KHDRBS1: variants seen among roughly 807,000 people sequenced by gnomAD.
The protein encoded by KHDRBS1 is KH domain-containing, RNA-binding, signal transduction-associated protein 1.
A neutral mutation model predicts 48.4 loss-of-function variants in KHDRBS1; 7 were observed. That is an observed-to-expected ratio of 0.14 (90% confidence interval 0.08 to 0.27). KHDRBS1 has a LOEUF of 0.27. KHDRBS1 is among the 10% of genes least tolerant of loss of function. The pLI, the probability that KHDRBS1 is intolerant of heterozygous loss-of-function variation, is 1.00. For missense variants in KHDRBS1, 458 were observed against 601.2 expected, an observed-to-expected ratio of 0.76 and a Z score of 2.49; for synonymous variants, 241 against 235.8, an observed-to-expected ratio of 1.02 and a Z score of -0.20.
chr1:32,037,761 T>C (rs1330265882), intron 5 of KHDRBS1, 74 bp from the exon 6 acceptor site: 2 of 1,537,676 alleles, frequency 1.3e-6, no homozygotes, highest in East Asian at 2.3e-5. Context: ...AATTCCAGAA[T>C]TTGTAAACAA....
chr1:32,031,276 G>A (rs72876684), intron 2 of KHDRBS1, among the ~76,000 whole-genome samples: 3,891 of 152,070 alleles, frequency 0.026, 159 homozygotes, highest in African/African-American at 0.088. Context: ...AATAGTAAAG[G>A]TCTTAATGTA....
At chr1:32,059,540 TAA>T (rs77286462) in intron 10 of KHDRBS1, among the ~76,000 whole-genome samples, 17 of 139,406 alleles carry the variant, frequency 1.2e-4, no homozygotes, top group Admixed American at 1.5e-4. Flanking sequence ...ACTCTTTCTT[TAA>T]AAAAAAAAAA....
At chr1:32,028,709 G>A (rs1452561486) in intron 1 of KHDRBS1, among the ~76,000 whole-genome samples, 5 of 151,184 alleles carry the variant, frequency 3.3e-5, no homozygotes, top group Middle Eastern at 3.2e-3. Flanking sequence ...GTTTCACCGT[G>A]TTAGCCAGGA....
At position 32,043,378 on chromosome 1, in the gene KHDRBS1, TAGAG is replaced by T. The variant is rs1001744029; in HGVS notation, c.*755_*758del. ...CAGACATACTGTGTTGAGAGATACT[TAGAG>T]GGAGGGAGTAGGTTTTGAAGAGGTT... On this transcript the variant is annotated 3_prime_UTR_variant, in exon 9 of 9. Transcript: ENST00000327300. 9.8e-5 allele frequency: 15 copies of T among 152,422 alleles called. No homozygotes were observed. The highest frequency in any genetic ancestry group is 6.6e-4 in the Admixed American group (10 of 15,246). 9.4% of individuals were successfully genotyped at this position (152,422 alleles called of 1,614,324 possible). A position where few individuals can be genotyped will look rare whatever the true frequency, so the allele number is the denominator to read the frequency against.
At chr1:32,021,500 T>A (rs868459803) in intron 1 of KHDRBS1, among the ~76,000 whole-genome samples, 1 of 152,146 alleles carries the variant, frequency 6.6e-6, no homozygotes, top group South Asian at 2.1e-4. Context: ...ATAGTAAGCT[T>A]ATGGGACTTC....
chr1:32,022,881 C>A (rs1212247692), intron 1 of KHDRBS1, among the ~76,000 whole-genome samples: 3 of 150,926 alleles, frequency 2.0e-5, no homozygotes, highest in Non-Finnish European at 2.9e-5. Context: ...CAGAGCAAGA[C>A]CCTGTCTCAA....
intron 4 of KHDRBS1, among the ~76,000 whole-genome samples, chr1:32,035,445 A>G (rs1368372767): frequency 1.3e-5 from 2 of 152,218 alleles, no homozygotes; most frequent in African/African-American, 2.4e-5. Context: ...ATAAAAATGC[A>G]TGAAGTATTA....
intron 1 of KHDRBS1, among the ~76,000 whole-genome samples, chr1:32,022,119 C>T (rs1267786382): frequency 6.6e-6 from 1 of 152,076 alleles, no homozygotes. Context: ...AGGAGCGCGC[C>T]ACCACGCCCA....
intron 1 of KHDRBS1, among the ~76,000 whole-genome samples, chr1:32,019,818 C>G (rs1329003495): frequency 6.6e-6 from 1 of 152,106 alleles, no homozygotes; most frequent in Non-Finnish European, 1.5e-5. Context: ...GTCGCTCACG[C>G]TGGAGTGCAG....
chr1:32,046,606 T>C (rs1230515846), downstream of KHDRBS1, among the ~76,000 whole-genome samples: 1 of 152,150 alleles, frequency 6.6e-6, no homozygotes, highest in African/African-American at 2.4e-5. Flanking sequence ...CTGGTTTGTG[T>C]AGTTGGGGGC....
intron 8 of KHDRBS1, among the ~76,000 whole-genome samples, chr1:32,040,535 C>T (rs983008934): frequency 1.3e-5 from 2 of 152,186 alleles, no homozygotes; most frequent in Non-Finnish European, 2.9e-5. Context: ...TCCTTGATCC[C>T]AAGAGAGCTA....
intron 10 of KHDRBS1, among the ~76,000 whole-genome samples, chr1:32,057,800 A>G (rs1639497040): frequency 6.9e-6 from 1 of 144,820 alleles, no homozygotes; most frequent in African/African-American, 2.5e-5. Flanking sequence ...CTCCATCTCA[A>G]AAAAAAAAAA....
chr1:32,025,072 A>C (rs1046481416), intron 1 of KHDRBS1, among the ~76,000 whole-genome samples: 1 of 151,620 alleles, frequency 6.6e-6, no homozygotes, highest in Non-Finnish European at 1.5e-5. Flanking sequence ...GTTCAAGACC[A>C]ACCTGGGCAA....
Position 32,038,566 on chromosome 1 carries a change from A to C in KHDRBS1, c.1122A>C (p.Thr374=). 1 of 1,613,892 alleles carries C rather than the reference A, an allele frequency of 6.2e-7. No individual in the cohort carries two copies. ...TGTTGTTCTAGGGATATGATGATACATACGCAGAACAAAGTTACGAAGGCT... is the reference window on the plus strand; with the variant it reads ...TGTTGTTCTAGGGATATGATGATACCTACGCAGAACAAAGTTACGAAGGCT... The part of the protein sequence containing the change: ...ETYEEYGYDD[T]YAEQSYEGYE... The change falls in exon 7 of 9, where the codon ACA becomes ACC. Residue 374 remains threonine (T), a synonymous_variant. Coordinates refer to ENST00000327300, the MANE Select transcript of KHDRBS1 (RefSeq NM_006559.3).
chr1:32,033,138 G>A (rs746056821), intron 3 of KHDRBS1, 50 bp from the exon 4 acceptor site: 3 of 1,501,240 alleles, frequency 2.0e-6, no homozygotes, highest in Admixed American at 1.7e-5. Flanking sequence ...GGTAAAGGTG[G>A]TGTTTTCTCC....
In KHDRBS1 at chr1:32,043,256, G is replaced by C. The variant is rs1365335673; in HGVS notation, c.*632G>C. 6.6e-6 allele frequency: 1 copy of C among 152,052 alleles called. No homozygotes were observed. Among genetic ancestry groups the C allele is most frequent in the African/African-American group, 2.4e-5 (1 of 41,230 alleles). 9.4% of individuals were successfully genotyped at this position (152,052 alleles called of 1,614,324 possible). A position where few individuals can be genotyped will look rare whatever the true frequency, so the allele number is the denominator to read the frequency against. On this transcript the variant is annotated 3_prime_UTR_variant, in exon 9 of 9. Transcript: ENST00000327300. Reference sequence around the variant, plus strand: ...AAAGATCCTCATGAATTAAATAGTTGATGCAATTTTTAACGTTAATTGATA... The same window carrying C: ...AAAGATCCTCATGAATTAAATAGTTCATGCAATTTTTAACGTTAATTGATA...
At chr1:32,034,466 G>A (rs981908499) in intron 4 of KHDRBS1, among the ~76,000 whole-genome samples, 9 of 151,754 alleles carry the variant, frequency 5.9e-5, no homozygotes, top group Admixed American at 2.0e-4. Flanking sequence ...AGGCTGAGGC[G>A]GGAGAATCAC....
exon 11 of KHDRBS1, chr1:32,060,493 T>C (rs1272794919): frequency 6.6e-6 from 1 of 152,082 alleles, no homozygotes; most frequent in East Asian, 1.9e-4. Context: ...CCAGTATGTG[T>C]GCTTCCCTTT....
intron 10 of KHDRBS1, among the ~76,000 whole-genome samples, chr1:32,057,413 C>T (rs1441086144): frequency 6.6e-6 from 1 of 152,012 alleles, no homozygotes; most frequent in Non-Finnish European, 1.5e-5. Flanking sequence ...AATTGGTCCT[C>T]CTATGTTAAC....
Sources: gnomAD v4.1 joint callset for allele counts (sites outside exome capture counted in the v4.1 genomes callset) on GRCh38, gnomAD v4.1.1 for gene constraint, MANE v1.5 for transcripts, NCBI Gene and HGNC (gene_info 2026-07-23, HGNC 2026-07-21) for gene names.